Variants in DPF3 observed in about 807,000 individuals in gnomAD.
DPF3 encodes double PHD fingers 3, also known as zinc finger protein DPF3.
DPF3 carries 18 observed loss-of-function variants against 56.8 expected under a neutral mutation model. The ratio of observed to expected loss-of-function variants is 0.32; its 90% confidence interval spans 0.22 to 0.47. The LOEUF is 0.47. DPF3 is among the 20% of genes least tolerant of loss of function. DPF3 has a pLI of 1.00. For synonymous variants in DPF3, 188 were observed against 180.2 expected, an observed-to-expected ratio of 1.04 and a Z score of -0.35; for missense variants, 403 against 488.8, an observed-to-expected ratio of 0.82 and a Z score of 1.65.
In DPF3 at chr14:72,863,362, C is replaced by T. The variant is rs1885531242; in HGVS notation, c.32+30695G>A. On this transcript the variant is annotated intron_variant, in intron 1 of 10. Transcript: ENST00000556509. ...AGGAGGAGTTGCAGGTGCCACCGAC[C>T]TGAAGGCAATTACCACCCACAAGTT... Among the ~76,000 whole-genome samples, 4 of 151,632 alleles carry T rather than the reference C, an allele frequency of 2.6e-5. No homozygotes were observed. The South Asian group carries it at 8.4e-4, about 32-fold the overall frequency.
At chr14:72,662,729 A>C in intron 8 of DPF3, 1 of 993,494 alleles carries the variant, frequency 1.0e-6, no homozygotes, top group Non-Finnish European at 1.2e-6. Flanking sequence ...GGGAAGAGGA[A>C]GAAGAGGAGG....
At chr14:72,866,215 C>G (rs1885656311) in intron 1 of DPF3, among the ~76,000 whole-genome samples, 1 of 152,058 alleles carries the variant, frequency 6.6e-6, no homozygotes, top group African/African-American at 2.4e-5. Context: ...TTCCCACCAC[C>G]ACCTCTTCCA....
chr14:72,638,320 C>T (rs755133613), intron 8 of DPF3, among the ~76,000 whole-genome samples: 1 of 152,182 alleles, frequency 6.6e-6, no homozygotes, highest in Non-Finnish European at 1.5e-5. Flanking sequence ...GATGCCAAGC[C>T]TTGACATTTG....
chr14:72,836,479 A>G, intron 1 of DPF3: 1 of 985,572 alleles, frequency 1.0e-6, no homozygotes, highest in Non-Finnish European at 1.2e-6. Context: ...AAGGAGCGCA[A>G]TGAAACTAGG....
At chr14:72,691,043 G>T (rs1165003084) in intron 7 of DPF3, among the ~76,000 whole-genome samples, 2 of 152,132 alleles carry the variant, frequency 1.3e-5, no homozygotes, top group African/African-American at 4.8e-5. Context: ...TGAAAGACAA[G>T]GGTGACTGGA....
chr14:72,837,048 T>C (rs1884326341), intron 1 of DPF3, among the ~76,000 whole-genome samples: 2 of 151,766 alleles, frequency 1.3e-5, no homozygotes, highest in Non-Finnish European at 1.5e-5. Context: ...TTTTGTGTTT[T>C]TTAGTAGAGA....
At position 72,860,521 on chromosome 14, in the gene DPF3, GT is replaced by G. The variant is rs1253204486; in HGVS notation, c.32+33535del. On this transcript the variant is annotated intron_variant, in intron 1 of 10. Transcript: ENST00000556509. Reference sequence around the variant, plus strand: ...TCTTAAATTTCGTGTTATAAGGCTTGTTATACAAAATAGTGGTCCACTGCAG... The same window carrying G: ...TCTTAAATTTCGTGTTATAAGGCTTGTATACAAAATAGTGGTCCACTGCAG... Among the ~76,000 whole-genome samples the G allele has an allele frequency of 9.3e-5, 14 of 151,298 alleles. No individual in the cohort carries two copies. The East Asian group carries it at 1.6e-3, about 17-fold the overall frequency.
intron 1 of DPF3, among the ~76,000 whole-genome samples, chr14:72,814,368 A>T (rs1008834549): frequency 6.6e-6 from 1 of 152,208 alleles, no homozygotes; most frequent in Non-Finnish European, 1.5e-5. Context: ...AGAGTCCAGC[A>T]GGGATTAGAT....
chr14:72,792,751 G>A (rs1567234296), intron 1 of DPF3, among the ~76,000 whole-genome samples: 1 of 151,998 alleles, frequency 6.6e-6, no homozygotes, highest in Non-Finnish European at 1.5e-5. Context: ...CCAGTTAGCA[G>A]AGGCCACTTC....
intron 1 of DPF3, among the ~76,000 whole-genome samples, chr14:72,854,982 C>T (rs180973302): frequency 2.0e-5 from 3 of 152,308 alleles, no homozygotes; most frequent in Admixed American, 2.0e-4. Context: ...CTAAGAAAAT[C>T]CTCACCTTTA....
At chr14:72,861,802 A>AGAAAGAAAGAAAGAAAGAAG in intron 1 of DPF3, among the ~76,000 whole-genome samples, 1 of 144,234 alleles carries the variant, frequency 6.9e-6, no homozygotes, top group East Asian at 2.0e-4. Context: ...AAAGAAAGAA[A>AGAAAGAAAGAAAGAAAGAAG]GAAGGAAAGA....
In DPF3 at chr14:72,653,679, C is replaced by T. The variant is rs79382501; in HGVS notation, c.871+20561G>A. On this transcript the variant is annotated intron_variant, in intron 8 of 10. Transcript: ENST00000556509. ...TAGGAGAACAATCATAGATTTTGAT[C>T]CCAAAGTTAAATTGGCCTGTCAGAT... 7.8e-3 allele frequency among the ~76,000 whole-genome samples: 1,187 copies of T among 152,288 alleles called. 23 individuals carry two copies. Among genetic ancestry groups the T allele is most frequent in the African/African-American group, 0.027 (1,134 of 41,548 alleles).
At chr14:72,801,663 G>A (rs571477988) in intron 1 of DPF3, among the ~76,000 whole-genome samples, 6 of 152,254 alleles carry the variant, frequency 3.9e-5, no homozygotes, top group Admixed American at 3.9e-4. Flanking sequence ...TAGCCAGGTG[G>A]GTTCAGCTCT....
intron 7 of DPF3, among the ~76,000 whole-genome samples, chr14:72,684,614 T>C (rs1010069878): frequency 2.4e-4 from 37 of 152,096 alleles, no homozygotes; most frequent in African/African-American, 8.9e-4. Context: ...AATAGAATGA[T>C]GTGTGATTTT....
At chr14:72,802,266 C>A (rs965985446) in intron 1 of DPF3, among the ~76,000 whole-genome samples, 5 of 152,144 alleles carry the variant, frequency 3.3e-5, no homozygotes, top group Non-Finnish European at 5.9e-5. Context: ...AGAGTCATGG[C>A]GAACTGTACA....
intron 1 of DPF3, among the ~76,000 whole-genome samples, chr14:72,885,368 G>GGGTT (rs1886503074): frequency 9.7e-6 from 1 of 103,192 alleles, no homozygotes; most frequent in African/African-American, 3.7e-5. Flanking sequence ...CTAATTTTTT[G>GGGTT]GGTTTGTTTG....
At chr14:72,883,454 C>T (rs1886393698) in intron 1 of DPF3, among the ~76,000 whole-genome samples, 1 of 152,126 alleles carries the variant, frequency 6.6e-6, no homozygotes, top group Non-Finnish European at 1.5e-5. Context: ...GATCGCACTA[C>T]TGCACTCCAG....
intron 1 of DPF3, among the ~76,000 whole-genome samples, chr14:72,836,944 A>ACTGCAACCTCCACCTCC (rs1407761601): frequency 1.3e-4 from 20 of 152,012 alleles, no homozygotes; most frequent in Admixed American, 1.3e-3. Context: ...ATCTCAGCTC[A>ACTGCAACCTCCACCTCC]CTGCAACCTC....
chr14:72,768,644 G>C (rs1891386403), intron 2 of DPF3, among the ~76,000 whole-genome samples: 1 of 152,094 alleles, frequency 6.6e-6, no homozygotes, highest in South Asian at 2.1e-4. Flanking sequence ...GATAAAAGTT[G>C]ATTTAATAAA....
Sources: allele counts gnomAD v4.1 joint callset (sites outside exome capture counted in the v4.1 genomes callset), GRCh38; gene constraint gnomAD v4.1.1; transcripts MANE v1.5; gene names NCBI Gene and HGNC (gene_info 2026-07-23, HGNC 2026-07-21).